The following TSPAN1 variants were observed in gnomAD, a reference collection of about 807,000 sequenced individuals.
The protein encoded by TSPAN1 is tetraspanin 1.
Under a neutral mutation model 26.9 loss-of-function variants are expected in TSPAN1, and 23 were observed. That is an observed-to-expected ratio of 0.85 (90% CI 0.62 to 1.21). The LOEUF (loss-of-function observed/expected upper bound fraction) is 1.21. TSPAN1 is among the 50% of genes most tolerant of loss of function. The probability of loss-of-function intolerance (pLI) is 0.00; values close to 1 mark genes in which losing one functional copy is unlikely to be tolerated. For missense variants in TSPAN1, 283 were observed against 298.4 expected (o/e 0.95, Z 0.38); for synonymous variants, 115 against 114.8 (o/e 1.00, Z -0.01).
rs1228883459 is a variant in TSPAN1 at position 46,175,328 on chromosome 1, G to C, written c.-223G>C. On this transcript the variant is annotated 5_prime_UTR_variant, in exon 1 of 9. Transcript: ENST00000372003. ...GGGCAGATCAAGAGCTGAGACCAAAGATGGTCTATGTTGCTGACCTTGTCC... is the reference window on the plus strand; with the variant it reads ...GGGCAGATCAAGAGCTGAGACCAAACATGGTCTATGTTGCTGACCTTGTCC... 1 of 350,612 alleles carries C rather than the reference G, an allele frequency of 2.9e-6. No individual in the cohort carries two copies. Among genetic ancestry groups the C allele is most frequent in the Non-Finnish European group, 5.1e-6 (1 of 196,430 alleles). The allele number at this position is 350,612 out of a possible 1,614,324, so 21.7% of individuals were successfully genotyped here. A position where few individuals can be genotyped will look rare whatever the true frequency, so the allele number is the denominator to read the frequency against.
chr1:46,175,876 T>G (rs1484117837), intron 1 of TSPAN1: 3 of 401,264 alleles, frequency 7.5e-6, no homozygotes, highest in African/African-American at 2.1e-5. Context: ...GCTCTGGTTT[T>G]TTTTTTTTTT....
intron 1 of TSPAN1, chr1:46,175,785 C>T: frequency 2.5e-6 from 1 of 406,394 alleles, no homozygotes; most frequent in Non-Finnish European, 4.3e-6. Flanking sequence ...ATCAGGAGTC[C>T]CCCATATATG....
At chr1:46,196,019 T>A in the TSPAN1 span, 1 of 1,614,052 alleles carries the variant, frequency 6.2e-7, no homozygotes, top group South Asian at 1.1e-5. The surrounding 1 kb of genome is among the most constrained non-coding windows in gnomAD (Gnocchi z 4.4). Flanking sequence ...CACCGTGGCC[T>A]GGTTGAGGAC....
At chr1:46,188,672 C>T (rs1217035677), downstream of TSPAN1, 1 of 1,572,916 alleles carries the variant, frequency 6.4e-7, no homozygotes, top group Non-Finnish European at 8.6e-7. Context: ...AAATCACAAT[C>T]ACAAGACATC....
chr1:46,188,653 T>C (rs1571643600), downstream of TSPAN1: 1 of 1,557,022 alleles, frequency 6.4e-7, no homozygotes, highest in East Asian at 2.3e-5. Flanking sequence ...AGCACCCCCC[T>C]GACACACAAA....
In TSPAN1 at chr1:46,179,888, G is replaced by A. The variant is rs190664503; in HGVS notation, c.-141-638G>A. ...GAGGATTAGGAACTATTTGCTACTC[G>A]CAGGAGAGAGCGGAAGCTGCCAAAT... On this transcript the variant is annotated intron_variant, in intron 1 of 8. Transcript: ENST00000372003. Among the ~76,000 whole-genome samples the A allele has an allele frequency of 5.3e-5, 8 of 152,262 alleles. No individual in the cohort carries two copies. The East Asian group carries it at 9.6e-4, about 18-fold the overall frequency.
At position 46,181,082 on chromosome 1, in the gene TSPAN1, C is replaced by T. The variant is rs558910079; in HGVS notation, c.-8-18C>T. 6.2e-7 allele frequency: 1 copy of T among 1,613,066 alleles called. No homozygotes were observed. Among genetic ancestry groups the T allele is most frequent in the Admixed American group, 1.7e-5 (1 of 59,936 alleles). ...CCAGGGGAAACAAGGCCCTAACTTGCACATGTCTACCTCCCAGGAGCCACC... is the reference window on the plus strand; with the variant it reads ...CCAGGGGAAACAAGGCCCTAACTTGTACATGTCTACCTCCCAGGAGCCACC... On this transcript the variant is annotated intron_variant, in intron 2 of 8. Transcript: ENST00000372003.
At chr1:46,186,440 C>G (rs1023852818), downstream of TSPAN1, among the ~76,000 whole-genome samples, 67 of 151,766 alleles carry the variant, frequency 4.4e-4, no homozygotes, top group Non-Finnish European at 8.8e-4. Flanking sequence ...TTCGTTGCTG[C>G]TGGCCTACCT....
chr1:46,176,068 GA>G (rs745974575), intron 1 of TSPAN1, among the ~76,000 whole-genome samples: 3 of 152,140 alleles, frequency 2.0e-5, no homozygotes, highest in Non-Finnish European at 4.4e-5. Flanking sequence ...GTAGAGATGG[GA>G]TTTCACCGTG....
downstream of TSPAN1, chr1:46,189,018 C>A (rs1657530687): frequency 6.3e-7 from 1 of 1,585,320 alleles, no homozygotes; most frequent in Non-Finnish European, 8.6e-7. Context: ...GGATGAGCTG[C>A]TAGGGATCGT....
chr1:46,192,181 G>C, the TSPAN1 span: 31 of 1,614,176 alleles, frequency 1.9e-5, no homozygotes, highest in Middle Eastern at 6.6e-4. Context: ...TCTCGGCCCC[G>C]GCGTTGTTCA....
Position 46,185,615 on chromosome 1 carries a change from G to A in TSPAN1, c.*82G>A. ...TGGCAAGCAGCAGTGATTGGGGGAGGGGACAGGATCTAACAATGTCACTTG... is the reference window on the plus strand; with the variant it reads ...TGGCAAGCAGCAGTGATTGGGGGAGAGGACAGGATCTAACAATGTCACTTG... On this transcript the variant is annotated 3_prime_UTR_variant, in exon 9 of 9. Transcript: ENST00000372003. The A allele has an allele frequency of 1.3e-6, 2 of 1,500,052 alleles. No homozygotes were observed. The highest frequency in any genetic ancestry group is 1.4e-5 in the African/African-American group (1 of 72,798). 92.9% of individuals were successfully genotyped at this position (1,500,052 alleles called of 1,614,324 possible).
chr1:46,181,195 C>T (rs776508917), intron 3 of TSPAN1, 31 bp downstream of exon 3: 59 of 1,601,682 alleles, frequency 3.7e-5, no homozygotes, highest in Non-Finnish European at 5.0e-5. Context: ...CTCTTTGGGG[C>T]TCCCTATAGG....
At chr1:46,194,542 A>C in the TSPAN1 span, 1 of 1,613,880 alleles carries the variant, frequency 6.2e-7, no homozygotes, top group Non-Finnish European at 8.5e-7. Flanking sequence ...TCCATGCTCC[A>C]CTAACTCCAC....
At chr1:46,195,944 T>C in the TSPAN1 span, 4 of 1,614,074 alleles carry the variant, frequency 2.5e-6, no homozygotes, top group African/African-American at 5.3e-5. Context: ...GATATACTTC[T>C]GGTGAGTTGG....
In TSPAN1 at chr1:46,185,152, T is replaced by C. The variant is rs543042784; in HGVS notation, c.594+37T>C. 6.1e-5 allele frequency: 99 copies of C among 1,614,198 alleles called. 2 individuals carry two copies. In the South Asian group the frequency reaches 1.0e-3, roughly 16 times the overall value. ...CATGAGTGGGTGGGGACTGTTTTCA[T>C]GGCCTCAGAGTGGCAAACGGGGATG... On this transcript the variant is annotated intron_variant, in intron 7 of 8. Transcript: ENST00000372003.
Position 46,184,812 on chromosome 1 carries a change from G to C in TSPAN1, c.367G>C (p.Val123Leu). ...TGAGCACTTCCTGACGTTGCTGGTAGTGCCTGCCATCAAGAAAGATTATGG... is the reference window on the plus strand; with the variant it reads ...TGAGCACTTCCTGACGTTGCTGGTACTGCCTGCCATCAAGAAAGATTATGG... ...MAEHFLTLLV[V>L]PAIKKDYGSQ... The change falls in exon 6 of 9, where the codon GTG becomes CTG. Residue 123 changes from valine (V) to leucine (L), a missense_variant. Physicochemically the swap from Val to Leu is conservative, Grantham distance 32 (BLOSUM62 1). Coordinates refer to ENST00000372003, the MANE Select transcript of TSPAN1 (RefSeq NM_005727.4). 6.2e-7 allele frequency: 1 copy of C among 1,614,214 alleles called. No homozygotes were observed. The highest frequency in any genetic ancestry group is 8.5e-7 in the Non-Finnish European group (1 of 1,180,038).
Position 46,184,311 on chromosome 1 carries a change from C to A in TSPAN1, c.178C>A (p.Leu60Ile). 6.2e-7 allele frequency: 1 copy of A among 1,614,230 alleles called. No homozygotes were observed. The highest frequency in any genetic ancestry group is 8.5e-7 in the Non-Finnish European group (1 of 1,180,044). The change falls in exon 4 of 9, where the codon CTC becomes ATC. Residue 60 changes from leucine (L) to isoleucine (I), a missense_variant. Physicochemically the swap from Leu to Ile is conservative, Grantham distance 5. Transcript: ENST00000372003. The part of the protein sequence containing the change: ...AMQFVNVGYF[L>I]IAAGVVVFAL... ...GCAGTTTGTCAACGTGGGCTACTTC[C>A]TCATCGCAGCCGGCGTTGTGGTCTT...
chr1:46,181,202 T>C (rs370255530), intron 3 of TSPAN1, 38 bp downstream of exon 3: 207 of 1,591,204 alleles, frequency 1.3e-4, no homozygotes, highest in East Asian at 2.3e-4. Flanking sequence ...GGGCTCCCTA[T>C]AGGAGCAGGT....
Sources: gnomAD v4.1 joint callset for allele counts (sites outside exome capture counted in the v4.1 genomes callset) on GRCh38, gnomAD v4.1.1 for gene constraint, Gnocchi (gnomAD v3.1) non-coding constraint, MANE v1.5 for transcripts, NCBI Gene and HGNC (gene_info 2026-07-23, HGNC 2026-07-21) for gene names.